The following SPSB1 variants were observed in gnomAD, a reference collection of about 807,000 sequenced individuals.
SPSB1 encodes SPRY domain-containing SOCS box protein 1.
SPSB1 carries 8 observed loss-of-function variants against 21.2 expected under a neutral mutation model. That is an observed-to-expected ratio of 0.38 (90% confidence interval 0.22 to 0.68). The LOEUF (loss-of-function observed/expected upper bound fraction) is 0.68, where lower values mean the gene tolerates loss of function less well. Among genes scored for constraint, SPSB1 ranks in the 30% least tolerant of loss-of-function variants. The pLI, the probability that SPSB1 is intolerant of heterozygous loss-of-function variation, is 0.53. For synonymous variants in SPSB1, 169 were observed against 161.7 expected, an observed-to-expected ratio of 1.05 and a Z score of -0.34; for missense variants, 242 against 377.8, an observed-to-expected ratio of 0.64 and a Z score of 2.98.
In SPSB1 at chr1:9,293,544, G is replaced by A. The variant is rs1489245463; in HGVS notation, c.-150+473G>A. ...GATTGGCGGCGCGGCCCGGTCCCCC[G>A]TCGGGGCGCCCCCACCCTCCCGCAG... is the stretch of plus-strand genomic sequence containing the variant. On this transcript the variant is annotated intron_variant, in intron 1 of 2. Coordinates refer to ENST00000328089, the MANE Select transcript of SPSB1 (RefSeq NM_025106.4). This position sits in a 1 kb window ranked among gnomAD's most constrained non-coding sequence, Gnocchi z 5.1. 6.6e-6 allele frequency among the ~76,000 whole-genome samples: 1 copy of A among 151,848 alleles called. No homozygotes were observed. Among genetic ancestry groups the A allele is most frequent in the African/African-American group, 2.4e-5 (1 of 41,364 alleles).
chr1:9,357,170 T>C (rs1055859149), intron 2 of SPSB1, among the ~76,000 whole-genome samples: 2 of 149,670 alleles, frequency 1.3e-5, no homozygotes, highest in African/African-American at 2.5e-5. Flanking sequence ...GGTGGATGGA[T>C]GGGTGGATGG....
intron 1 of SPSB1, among the ~76,000 whole-genome samples, chr1:9,319,315 T>A (rs1219864991): frequency 1.3e-5 from 2 of 152,156 alleles, no homozygotes; most frequent in African/African-American, 4.8e-5. Flanking sequence ...TGGACATGTG[T>A]GCGCTGCCCT....
intron 1 of SPSB1, among the ~76,000 whole-genome samples, chr1:9,307,044 T>C (rs972322562): frequency 5.3e-5 from 8 of 151,910 alleles, no homozygotes; most frequent in South Asian, 2.1e-4. Context: ...TCTCCCTCCT[T>C]AGCCTCCTGG....
intron 1 of SPSB1, among the ~76,000 whole-genome samples, chr1:9,343,671 A>G (rs1238772775): frequency 6.6e-6 from 1 of 152,190 alleles, no homozygotes; most frequent in Non-Finnish European, 1.5e-5. Flanking sequence ...ATGCCGATAC[A>G]GTTTTTTCTA....
chr1:9,303,819 T>C (rs1639370095), intron 1 of SPSB1, among the ~76,000 whole-genome samples: 2 of 152,186 alleles, frequency 1.3e-5, no homozygotes, highest in African/African-American at 4.8e-5. Flanking sequence ...CCTGTGATGA[T>C]TGATTTCAGA....
At chr1:9,353,121 C>T (rs1200010200) in intron 1 of SPSB1, among the ~76,000 whole-genome samples, 1 of 152,092 alleles carries the variant, frequency 6.6e-6, no homozygotes, top group Non-Finnish European at 1.5e-5. Context: ...GAGGGGGTGT[C>T]CAGACAGATG....
rs1640164224 is a variant in SPSB1 at position 9,346,198 on chromosome 1, G to A, written c.-149-9545G>A. On this transcript the variant is annotated intron_variant, in intron 1 of 2. Coordinates refer to ENST00000328089, the MANE Select transcript of SPSB1 (RefSeq NM_025106.4). This position sits in a 1 kb window ranked among gnomAD's most constrained non-coding sequence, Gnocchi z 4.4. ...CACCACTGATGTGTGAGACGGGGCG[G>A]CAGAGGGAGGGAACTTACGTGATCT... Among the ~76,000 whole-genome samples, 1 of 152,264 alleles carries A rather than the reference G, an allele frequency of 6.6e-6. No homozygotes were observed. Among genetic ancestry groups the A allele is most frequent in the Non-Finnish European group, 1.5e-5 (1 of 68,048 alleles).
intron 1 of SPSB1, among the ~76,000 whole-genome samples, chr1:9,316,278 T>G (rs1473656477): frequency 6.6e-6 from 1 of 151,724 alleles, no homozygotes; most frequent in Non-Finnish European, 1.5e-5. Flanking sequence ...TGTGGGTGAG[T>G]CACCTGCTTT....
At chr1:9,316,072 C>T (rs1351846440) in intron 1 of SPSB1, among the ~76,000 whole-genome samples, 2 of 152,134 alleles carry the variant, frequency 1.3e-5, no homozygotes, top group South Asian at 2.1e-4. Flanking sequence ...GTGGTGGGTC[C>T]GCAGCGGCAC....
chr1:9,293,277 C>T lies in SPSB1; in HGVS notation c.-150+206C>T, dbSNP rs1303018537. On this transcript the variant is annotated intron_variant, in intron 1 of 2. Coordinates refer to ENST00000328089, the MANE Select transcript of SPSB1 (RefSeq NM_025106.4). The surrounding 1 kb of genome is among the most constrained non-coding windows in gnomAD (Gnocchi z 5.1). Reference sequence around the variant, plus strand: ...TCCCGCGGTGGCTCCGGGGGCGCCTCCCTCGCCGCGGCTCCTGGGAGAGGG... The same window carrying T: ...TCCCGCGGTGGCTCCGGGGGCGCCTTCCTCGCCGCGGCTCCTGGGAGAGGG... Among the ~76,000 whole-genome samples the T allele has an allele frequency of 6.7e-6, 1 of 148,444 alleles. No homozygotes were observed. Among genetic ancestry groups the T allele is most frequent in the Non-Finnish European group, 1.5e-5 (1 of 66,614 alleles).
intron 1 of SPSB1, among the ~76,000 whole-genome samples, chr1:9,315,763 C>T (rs758119075): frequency 1.3e-5 from 2 of 152,212 alleles, no homozygotes; most frequent in African/African-American, 2.4e-5. Context: ...ACGGAGGGAC[C>T]GCACTGCTCA....
At chr1:9,349,029 G>A (rs1481288301) in intron 1 of SPSB1, among the ~76,000 whole-genome samples, 2 of 152,152 alleles carry the variant, frequency 1.3e-5, no homozygotes, top group Admixed American at 6.5e-5. Flanking sequence ...ACTGGGAGAA[G>A]AAGTTCACTG....
chr1:9,323,153 T>C (rs1000665592), intron 1 of SPSB1, among the ~76,000 whole-genome samples: 5 of 152,114 alleles, frequency 3.3e-5, no homozygotes, highest in African/African-American at 1.2e-4. Flanking sequence ...CCTGCTGCCA[T>C]GTTGGAGGGG....
At chr1:9,295,927 C>T (rs1168474940) in intron 1 of SPSB1, among the ~76,000 whole-genome samples, 2 of 152,062 alleles carry the variant, frequency 1.3e-5, no homozygotes, top group Non-Finnish European at 2.9e-5. Context: ...TACAGGTGTG[C>T]CTCAGTCTGC....
At position 9,367,588 on chromosome 1, in the gene SPSB1, T is replaced by G; in HGVS notation, c.*13T>G. The G allele has an allele frequency of 6.3e-7, 1 of 1,593,426 alleles. No individual in the cohort carries two copies. Among genetic ancestry groups the G allele is most frequent in the Non-Finnish European group, 8.6e-7 (1 of 1,167,482 alleles). On this transcript the variant is annotated 3_prime_UTR_variant, in exon 3 of 3. Transcript: ENST00000328089. This position sits in a 1 kb window ranked among gnomAD's most constrained non-coding sequence, Gnocchi z 5.9. ...CCTCTACCAGTGACGTTCGCCATCA[T>G]ACCGCCAGCGCGACAGCCACCTGGT...
intron 1 of SPSB1, among the ~76,000 whole-genome samples, chr1:9,350,786 C>T (rs1199989968): frequency 6.6e-6 from 1 of 152,224 alleles, no homozygotes; most frequent in East Asian, 1.9e-4. Flanking sequence ...CAGTCCCAGG[C>T]CCTGATGCTT....
rs1019551316 is a variant in SPSB1, at chr1:9,356,715, C to G, written c.694+130C>G. 52 of 1,398,326 alleles carry G rather than the reference C, an allele frequency of 3.7e-5. 1 individual carries two copies. The East Asian group carries it at 1.3e-3, about 35-fold the overall frequency. The allele number at this position is 1,398,326 out of a possible 1,614,324, so 86.6% of individuals were successfully genotyped here. On this transcript the variant is annotated intron_variant, in intron 2 of 2. Coordinates refer to ENST00000328089, the MANE Select transcript of SPSB1 (RefSeq NM_025106.4). This position sits in a 1 kb window ranked among gnomAD's most constrained non-coding sequence, Gnocchi z 7.4. ...GACGATATTCCAGTGTATTCAGACC[C>G]TCAGAGGCAACTTTTGCATCGGGTT...
At chr1:9,360,016 A>G (rs1051769407) in intron 2 of SPSB1, among the ~76,000 whole-genome samples, 1 of 152,198 alleles carries the variant, frequency 6.6e-6, no homozygotes, top group Non-Finnish European at 1.5e-5. Context: ...AAGGAGGAGC[A>G]GGTGTTAAAT....
At chr1:9,352,728 ACTCTC>A (rs925742833) in intron 1 of SPSB1, among the ~76,000 whole-genome samples, 2 of 147,524 alleles carry the variant, frequency 1.4e-5, no homozygotes, top group Non-Finnish European at 3.0e-5. Flanking sequence ...CTGAGGTGTT[ACTCTC>A]CTCGCCTCTT....
Sources: allele counts gnomAD v4.1 joint callset (sites outside exome capture counted in the v4.1 genomes callset), GRCh38; gene constraint gnomAD v4.1.1; non-coding constraint Gnocchi (gnomAD v3.1); transcripts MANE v1.5; gene names NCBI Gene and HGNC (gene_info 2026-07-23, HGNC 2026-07-21).